The following KATNAL1 variants were observed in gnomAD, a reference collection of about 807,000 sequenced individuals.
KATNAL1 encodes katanin p60 ATPase-containing subunit A-like 1.
In KATNAL1, 32 loss-of-function variants were observed where a neutral mutation model predicts 55.2. The observed-to-expected ratio is 0.58, with a 90% CI of 0.44 to 0.78. KATNAL1 has a LOEUF of 0.78. Ranked by LOEUF, KATNAL1 falls within the 30% of genes least tolerant of loss-of-function variation. The pLI is 0.00. For synonymous variants in KATNAL1, 193 were observed against 193.6 expected (o/e 1.00, Z 0.02); for missense variants, 466 against 600.9 (o/e 0.78, Z 2.35).
intron 4 of KATNAL1, among the ~76,000 whole-genome samples, chr13:30,252,129 A>C (rs1878374233): frequency 6.6e-6 from 1 of 152,246 alleles, no homozygotes; most frequent in South Asian, 2.1e-4. Context: ...TTCAAATCCT[A>C]GTTCACCATC....
chr13:30,240,639 A>AC, intron 5 of KATNAL1, 74 bp from the exon 6 acceptor site: 1 of 998,024 alleles, frequency 1.0e-6, no homozygotes, highest in Non-Finnish European at 1.5e-6. Flanking sequence ...AATTCTTTTA[A>AC]TTTTTTTTTA....
rs184118085 is a variant in KATNAL1 at position 30,249,024 on chromosome 13, A to G, written c.492+6423T>C. On this transcript the variant is annotated intron_variant, in intron 4 of 10. Coordinates refer to ENST00000380615, the MANE Select transcript of KATNAL1 (RefSeq NM_032116.5). ...CAGTGAGCCCAGATGGTGCCACTGC[A>G]CTCCAGCCTGGGCAACAGAGCGAGA... Among the ~76,000 whole-genome samples the G allele has an allele frequency of 3.1e-3, 473 of 150,942 alleles. 1 individual carries two copies. The highest frequency in any genetic ancestry group is 5.1e-3 in the Non-Finnish European group (347 of 67,870).
chr13:30,217,408 C>T (rs1418821104), intron 9 of KATNAL1, among the ~76,000 whole-genome samples: 4 of 152,028 alleles, frequency 2.6e-5, no homozygotes, highest in Non-Finnish European at 5.9e-5. Context: ...GAGCTGAGAT[C>T]GCGCCACTGC....
chr13:30,206,443 T>G lies in KATNAL1; in HGVS notation c.*2097A>C, dbSNP rs772042069. 3.3e-5 allele frequency: 5 copies of G among 152,130 alleles called. No homozygotes were observed. The highest frequency in any genetic ancestry group is 4.4e-5 in the Non-Finnish European group (3 of 68,010). 9.4% of individuals were successfully genotyped at this position (152,130 alleles called of 1,614,324 possible). ...AAATAAAAAGCACACCTGACTCACT[T>G]AACATAGTAAAGTTAGGCTCCCAGG... On this transcript the variant is annotated 3_prime_UTR_variant, in exon 11 of 11. Coordinates refer to ENST00000380615, the MANE Select transcript of KATNAL1 (RefSeq NM_032116.5).
At chr13:30,273,810 G>A (rs904770801) in intron 3 of KATNAL1, among the ~76,000 whole-genome samples, 6 of 152,030 alleles carry the variant, frequency 3.9e-5, no homozygotes, top group African/African-American at 7.2e-5. Flanking sequence ...ATAACTACAC[G>A]AATCCTAATC....
At chr13:30,290,422 T>C (rs1302383079) in intron 1 of KATNAL1, among the ~76,000 whole-genome samples, 1 of 152,070 alleles carries the variant, frequency 6.6e-6, no homozygotes, top group Non-Finnish European at 1.5e-5. Flanking sequence ...TTTAATGAAA[T>C]GGACAAATTC....
chr13:30,260,182 TAACA>T (rs1000604981), intron 3 of KATNAL1, among the ~76,000 whole-genome samples: 29 of 152,104 alleles, frequency 1.9e-4, no homozygotes, highest in African/African-American at 7.0e-4. Context: ...GAAGGAAAAC[TAACA>T]AACAGAAAGG....
At chr13:30,289,298 A>G (rs1156347191) in intron 1 of KATNAL1, among the ~76,000 whole-genome samples, 1 of 152,208 alleles carries the variant, frequency 6.6e-6, no homozygotes, top group Non-Finnish European at 1.5e-5. Flanking sequence ...CAATTCTTTG[A>G]GCAACTCTTC....
In KATNAL1 at chr13:30,275,785, A is replaced by T. The variant is rs538625504; in HGVS notation, c.323+4278T>A. 3.3e-3 allele frequency among the ~76,000 whole-genome samples: 504 copies of T among 151,968 alleles called. 4 individuals carry two copies. The highest frequency in any genetic ancestry group is 4.3e-3 in the African/African-American group (180 of 41,486). On this transcript the variant is annotated intron_variant, in intron 3 of 10. Transcript: ENST00000380615. ...GCTTATTGTGATAAATATTTCAAAAAATATATATATATATCAAATAATCAA... is the reference window on the plus strand; with the variant it reads ...GCTTATTGTGATAAATATTTCAAAATATATATATATATATCAAATAATCAA...
At chr13:30,219,316 T>C (rs1874618692) in intron 9 of KATNAL1, among the ~76,000 whole-genome samples, 1 of 152,188 alleles carries the variant, frequency 6.6e-6, no homozygotes, top group South Asian at 2.1e-4. Flanking sequence ...CCCCAAAACC[T>C]ATCTATCTAT....
intron 3 of KATNAL1, among the ~76,000 whole-genome samples, chr13:30,270,784 C>T (rs769402855): frequency 1.1e-3 from 168 of 151,286 alleles, no homozygotes; most frequent in Non-Finnish European, 2.0e-3. Context: ...CGGAAGGCCG[C>T]AGGGTCCTCT....
At chr13:30,253,465 C>T (rs1402044563) in intron 4 of KATNAL1, among the ~76,000 whole-genome samples, 1 of 151,542 alleles carries the variant, frequency 6.6e-6, no homozygotes, top group Non-Finnish European at 1.5e-5. Flanking sequence ...ATGTATTGAC[C>T]ATCCTGGCTA....
At chr13:30,249,548 T>A (rs1395688249) in intron 4 of KATNAL1, among the ~76,000 whole-genome samples, 3 of 152,152 alleles carry the variant, frequency 2.0e-5, no homozygotes, top group Non-Finnish European at 4.4e-5. Flanking sequence ...TACTACTATA[T>A]GACAATGAAA....
chr13:30,284,128 G>A (rs1445875212), intron 1 of KATNAL1, among the ~76,000 whole-genome samples: 2 of 152,124 alleles, frequency 1.3e-5, no homozygotes, highest in Non-Finnish European at 2.9e-5. Flanking sequence ...CCAAAGTGCT[G>A]GGATTACAGG....
intron 3 of KATNAL1, among the ~76,000 whole-genome samples, chr13:30,275,815 T>C (rs1425148398): frequency 6.6e-6 from 1 of 152,154 alleles, no homozygotes; most frequent in Non-Finnish European, 1.5e-5. Context: ...AATCAACCTG[T>C]ATACCTTAAA....
chr13:30,284,600 T>A (rs1188225646), intron 1 of KATNAL1, among the ~76,000 whole-genome samples: 1 of 152,230 alleles, frequency 6.6e-6, no homozygotes, highest in African/African-American at 2.4e-5. Context: ...CCATTTATAC[T>A]CATGTAATTG....
chr13:30,212,500 A>G lies in KATNAL1; in HGVS notation c.1148-2058T>C, dbSNP rs750414248. ...AGGGCCAGTAGCTCCAGCCGAGCTC[A>G]GCCTGCCAGGCCCAGTGGTCAGAAC... On this transcript the variant is annotated intron_variant, in intron 9 of 10. Transcript: ENST00000380615. Among the ~76,000 whole-genome samples, 82 of 152,352 alleles carry G rather than the reference A, an allele frequency of 5.4e-4. 1 individual carries two copies. Among genetic ancestry groups the G allele is most frequent in the Non-Finnish European group, 2.5e-4 (17 of 68,030 alleles).
intron 6 of KATNAL1, among the ~76,000 whole-genome samples, chr13:30,235,434 T>C (rs940668540): frequency 2.0e-5 from 3 of 152,356 alleles, no homozygotes; most frequent in Non-Finnish European, 2.9e-5. Flanking sequence ...GCTGGCACCA[T>C]GCCATTCATG....
intron 1 of KATNAL1, chr13:30,296,370 T>G: frequency 8.9e-7 from 1 of 1,122,106 alleles, no homozygotes; most frequent in Non-Finnish European, 1.3e-6. Flanking sequence ...GTGCTGGGCA[T>G]CTTGGTGGAC....
Sources: allele counts gnomAD v4.1 joint callset (sites outside exome capture counted in the v4.1 genomes callset), GRCh38; gene constraint gnomAD v4.1.1; transcripts MANE v1.5; gene names NCBI Gene and HGNC (gene_info 2026-07-23, HGNC 2026-07-21).